Variants in SYT3 observed in about 807,000 individuals in gnomAD.
SYT3 encodes synaptotagmin 3.
In SYT3, 25 loss-of-function variants were observed where a neutral mutation model predicts 50.6. The ratio of observed to expected loss-of-function variants is 0.49; its 90% CI spans 0.36 to 0.69. SYT3 has a LOEUF of 0.69. SYT3 is among the 30% of genes least tolerant of loss of function. The pLI is 0.00. For synonymous variants in SYT3, 323 were observed against 353.9 expected (o/e 0.91, Z 0.98); for missense variants, 589 against 793.6 (o/e 0.74, Z 3.10).
At chr19:50,636,078 C>A (rs1054498937) in intron 3 of SYT3, among the ~76,000 whole-genome samples, 3 of 152,000 alleles carry the variant, frequency 2.0e-5, no homozygotes, top group African/African-American at 7.3e-5. Context: ...CAGGATGAAA[C>A]CCTGTCTCTA....
the SYT3 span, among the ~76,000 whole-genome samples, chr19:50,654,535 G>C: frequency 3.3e-5 from 5 of 151,778 alleles, no homozygotes; most frequent in Non-Finnish European, 5.9e-5. Context: ...CTGACCTCGT[G>C]ATCTGCCCGC....
chr19:50,639,488 G>A lies in SYT3; in HGVS notation c.-154+302C>T, dbSNP rs2123025894. Among the ~76,000 whole-genome samples, 1 of 151,794 alleles carries A rather than the reference G, an allele frequency of 6.6e-6. No homozygotes were observed. The highest frequency in any genetic ancestry group is 2.1e-4 in the South Asian group (1 of 4,802). On this transcript the variant is annotated intron_variant, in intron 1 of 10. Coordinates refer to ENST00000600079, the MANE Select transcript of SYT3 (RefSeq NM_001160329.2). The surrounding 1 kb of genome is among the most constrained non-coding windows in gnomAD (Gnocchi z 4.6). ...CCAAGACGCTTCAGGGGAGGGGAAC[G>A]ATGTCCGGGACTTCGAAAAGCCACG...
intron 3 of SYT3, among the ~76,000 whole-genome samples, chr19:50,636,498 T>C (rs1325003254): frequency 2.0e-5 from 3 of 152,232 alleles, no homozygotes; most frequent in African/African-American, 7.2e-5. Flanking sequence ...TGCCAGACCC[T>C]GCCCTGGTGC....
At chr19:50,631,065 T>C (rs937749338) in intron 4 of SYT3, among the ~76,000 whole-genome samples, 2 of 151,978 alleles carry the variant, frequency 1.3e-5, no homozygotes, top group Non-Finnish European at 2.9e-5. Context: ...CTCAGTGCCC[T>C]CAGGACAAAG....
rs372317846 is a variant in SYT3, at chr19:50,629,413, C to T, written c.1162G>A (p.Asp388Asn). 13 of 1,614,072 alleles carry T rather than the reference C, an allele frequency of 8.1e-6. No individual in the cohort carries two copies. The highest frequency in any genetic ancestry group is 1.1e-5 in the Non-Finnish European group (13 of 1,179,974). Residue 388 changes from aspartate (D) to asparagine (N), a missense_variant, in exon 6 of 11, where the codon GAC becomes AAC. Physicochemically the swap from Asp to Asn is conservative, Grantham distance 23 (BLOSUM62 1). Around this residue, in one of 2 missense-constraint regions of SYT3, gnomAD observed 273 missense variants for 439.3 expected, o/e 0.62. Transcript: ENST00000600079. ...TCGTGCCGCGAGAAGCGGTCAAAGTCATAGACGCTGAAGTGCAGTTTGCGT... is the reference window on the plus strand; with the variant it reads ...TCGTGCCGCGAGAAGCGGTCAAAGTTATAGACGCTGAAGTGCAGTTTGCGT... ...AQRKLHFSVY[D>N]FDRFSRHDLI... is the part of the protein sequence containing the mutation.
In SYT3 at chr19:50,622,317, C is replaced by T. The variant is rs1237085626; in HGVS notation, c.*168G>A. On this transcript the variant is annotated 3_prime_UTR_variant, in exon 11 of 11. Coordinates refer to ENST00000600079, the MANE Select transcript of SYT3 (RefSeq NM_001160329.2). ...CCCACCCTGAAAGAAGGAGCTGGGC[C>T]GGCCTCCTCTCATCCTCTCGCTTCC... 1.5e-5 allele frequency: 3 copies of T among 205,316 alleles called. No individual in the cohort carries two copies. The highest frequency in any genetic ancestry group is 5.6e-5 in the Admixed American group (1 of 17,828). 12.7% of individuals were successfully genotyped at this position (205,316 alleles called of 1,614,324 possible).
At position 50,625,785 on chromosome 19, in the gene SYT3, GA is replaced by G. The variant is rs1984033098; in HGVS notation, c.1402+111del. 8.4e-5 allele frequency: 46 copies of G among 550,216 alleles called. 21 individuals are homozygous for G. The highest frequency in any genetic ancestry group is 1.9e-4 in the South Asian group (10 of 53,144). 34.1% of individuals were successfully genotyped at this position (550,216 alleles called of 1,614,324 possible). On this transcript the variant is annotated intron_variant, in intron 7 of 10. Coordinates refer to ENST00000600079, the MANE Select transcript of SYT3 (RefSeq NM_001160329.2). This position sits in a 1 kb window ranked among gnomAD's most constrained non-coding sequence, Gnocchi z 7.5. ...CTCCTCCCTCAGACCCAGGAGTCCA[GA>G]TCCCCAGCTCCTCCTCCCTCAGACC...
the SYT3 span, among the ~76,000 whole-genome samples, chr19:50,651,569 C>T: frequency 6.6e-6 from 1 of 152,088 alleles, no homozygotes; most frequent in South Asian, 2.1e-4. Context: ...TCTGAGATGC[C>T]TGTTAAAAAA....
At chr19:50,656,557 G>A in the SYT3 span, among the ~76,000 whole-genome samples, 2 of 152,134 alleles carry the variant, frequency 1.3e-5, no homozygotes, top group Non-Finnish European at 2.9e-5. Context: ...GGAGACCAAC[G>A]GGCAAAGAAA....
upstream of SYT3, among the ~76,000 whole-genome samples, chr19:50,643,257 C>T (rs576027913): frequency 2.0e-5 from 3 of 152,120 alleles, no homozygotes; most frequent in Non-Finnish European, 2.9e-5. Context: ...TGTAGTCCCA[C>T]CTGCTTGGGG....
chr19:50,625,372 C>T lies in SYT3; in HGVS notation c.1574+21G>A, dbSNP rs371252213. ...CACCCCAGCCCTCCTGCCTGACCCC[C>T]GCCCGGGCCGCGCCCCTCACCAGTC... On this transcript the variant is annotated intron_variant, in intron 8 of 10. Coordinates refer to ENST00000600079, the MANE Select transcript of SYT3 (RefSeq NM_001160329.2). The surrounding 1 kb of genome is among the most constrained non-coding windows in gnomAD (Gnocchi z 7.5). 2.1e-5 allele frequency: 32 copies of T among 1,543,294 alleles called. No homozygotes were observed. Among genetic ancestry groups the T allele is most frequent in the Non-Finnish European group, 2.4e-5 (28 of 1,145,204 alleles).
In SYT3 at chr19:50,637,081, G is replaced by A. The variant is rs1266023990; in HGVS notation, c.148+183C>T. On this transcript the variant is annotated intron_variant, in intron 3 of 10. Transcript: ENST00000600079. The surrounding 1 kb of genome is among the most constrained non-coding windows in gnomAD (Gnocchi z 4.9). The stretch of plus-strand genomic sequence containing the variant: ...AGGCCCACAGGGCAAAACTCAAAAA[G>A]CAGACCACACAGCTCCTTCCCCTTG... 6.6e-6 allele frequency among the ~76,000 whole-genome samples: 1 copy of A among 152,158 alleles called. No homozygotes were observed. Among genetic ancestry groups the A allele is most frequent in the African/African-American group, 2.4e-5 (1 of 41,428 alleles).
chr19:50,632,268 C>A lies in SYT3; in HGVS notation c.674+18G>T, dbSNP rs770986594. ...GCAGAAGTTCAGAGTGGACCCCCAA[C>A]CCAGTATCCTCTCTCACCTGGTAGT... On this transcript the variant is annotated intron_variant, in intron 4 of 10. Transcript: ENST00000600079. This position sits in a 1 kb window ranked among gnomAD's most constrained non-coding sequence, Gnocchi z 4.7. The A allele has an allele frequency of 6.5e-7, 1 of 1,542,598 alleles. No individual in the cohort carries two copies. The highest frequency in any genetic ancestry group is 1.4e-5 in the African/African-American group (1 of 73,398).
chr19:50,628,306 C>T (rs1568762092), intron 6 of SYT3, among the ~76,000 whole-genome samples: 2 of 152,000 alleles, frequency 1.3e-5, no homozygotes, highest in Admixed American at 6.6e-5. Flanking sequence ...CAAGAAGTAC[C>T]TAAGAATGGG....
At chr19:50,623,504 G>A (rs1204929748) in intron 9 of SYT3, among the ~76,000 whole-genome samples, 3 of 151,806 alleles carry the variant, frequency 2.0e-5, no homozygotes, top group South Asian at 2.1e-4. Flanking sequence ...TTGGCCAGGC[G>A]CGGTGGCTCA....
At chr19:50,649,193 A>C in the SYT3 span, among the ~76,000 whole-genome samples, 3 of 151,754 alleles carry the variant, frequency 2.0e-5, no homozygotes, top group Non-Finnish European at 4.4e-5. Context: ...AAGGGACTCT[A>C]GGAGACAGAG....
At chr19:50,650,904 C>G in the SYT3 span, among the ~76,000 whole-genome samples, 1 of 152,214 alleles carries the variant, frequency 6.6e-6, no homozygotes, top group Non-Finnish European at 1.5e-5. Flanking sequence ...GAGGCACCCA[C>G]GTGACATGTA....
At position 50,632,551 on chromosome 19, in the gene SYT3, C is replaced by T. The variant is rs193002389; in HGVS notation, c.409G>A (p.Ala137Thr). 6.8e-5 allele frequency: 109 copies of T among 1,600,834 alleles called. 1 individual carries two copies. The Admixed American group carries it at 1.3e-3, about 20-fold the overall frequency. The change falls in exon 4 of 11, where the codon GCC becomes ACC. Residue 137 changes from alanine (A) to threonine (T), a missense_variant. Physicochemically the swap from Ala to Thr is moderately conservative, Grantham distance 58. Transcript: ENST00000600079. This position sits in a 1 kb window ranked among gnomAD's most constrained non-coding sequence, Gnocchi z 4.7. ...LGGPHHHAHA[A>T]HHPPFAELLE... ...AGCTCAGCAAAGGGTGGATGGTGGG[C>T]GGCATGGGCATGGTGGTGTGGGCCG...
At chr19:50,626,801 C>A (rs1411752862) in intron 6 of SYT3, among the ~76,000 whole-genome samples, 2 of 150,942 alleles carry the variant, frequency 1.3e-5, no homozygotes, top group East Asian at 3.9e-4. Flanking sequence ...GAGACAGAGG[C>A]CCAGAGAGAG....
Sources: gnomAD v4.1 joint callset for allele counts (sites outside exome capture counted in the v4.1 genomes callset) on GRCh38, gnomAD v4.1.1 for gene constraint, gnomAD v4.1.1 regional missense constraint, Gnocchi (gnomAD v3.1) non-coding constraint, MANE v1.5 for transcripts, NCBI Gene and HGNC (gene_info 2026-07-23, HGNC 2026-07-21) for gene names.